The following TTC1 variants were observed in gnomAD, a reference collection of about 807,000 sequenced individuals.
TTC1 encodes tetratricopeptide repeat domain 1.
In TTC1, 31 loss-of-function variants were observed where a neutral mutation model predicts 37.6. The observed-to-expected ratio is 0.82, with a 90% confidence interval of 0.62 to 1.11. The LOEUF (loss-of-function observed/expected upper bound fraction) is 1.11, where lower values mean the gene tolerates loss of function less well. Ranked by LOEUF, TTC1 falls within the 50% of genes most tolerant of loss-of-function variation. The pLI, the probability that TTC1 is intolerant of heterozygous loss-of-function variation, is 0.00. For missense variants in TTC1, 351 were observed against 339.0 expected (o/e 1.04, Z -0.28); for synonymous variants, 127 against 122.4 (o/e 1.04, Z -0.25).
rs1255533717 is a variant in TTC1 at position 160,043,180 on chromosome 5, ATTATC to A, written c.541+16_541+20del. The A allele has an allele frequency of 1.1e-5, 17 of 1,613,446 alleles. No individual in the cohort carries two copies. Among genetic ancestry groups the A allele is most frequent in the South Asian group, 2.2e-5 (2 of 90,828 alleles). ...ATGACTGCAGCAAAGGTACAGCTTT[ATTATC>A]TTATTACATGTTAACATACAGGAGC... On this transcript the variant is annotated intron_variant, in intron 5 of 7. Transcript: ENST00000231238.
At chr5:160,056,174 A>C (rs1263105347) in intron 7 of TTC1, among the ~76,000 whole-genome samples, 1 of 152,164 alleles carries the variant, frequency 6.6e-6, no homozygotes, top group Non-Finnish European at 1.5e-5. Context: ...AAACCATAAC[A>C]CAAAGACAGG....
intron 2 of TTC1, among the ~76,000 whole-genome samples, chr5:160,031,355 T>TA (rs1756905046): frequency 6.6e-6 from 1 of 152,166 alleles, no homozygotes; most frequent in African/African-American, 2.4e-5. Flanking sequence ...CTCACACCTG[T>TA]AATCCCAGAA....
At chr5:160,017,852 G>A (rs1283917296) in intron 2 of TTC1, among the ~76,000 whole-genome samples, 2 of 152,156 alleles carry the variant, frequency 1.3e-5, no homozygotes, top group African/African-American at 4.8e-5. Flanking sequence ...ATTTATTCAA[G>A]TAATATTTAC....
At chr5:160,017,495 C>T (rs1188361736) in intron 2 of TTC1, among the ~76,000 whole-genome samples, 1 of 152,164 alleles carries the variant, frequency 6.6e-6, no homozygotes, top group Non-Finnish European at 1.5e-5. Flanking sequence ...AAGGACGCAC[C>T]TCTTAATACC....
At chr5:160,013,280 C>T (rs558228995) in intron 2 of TTC1, among the ~76,000 whole-genome samples, 6 of 151,826 alleles carry the variant, frequency 4.0e-5, no homozygotes, top group African/African-American at 9.7e-5. Context: ...AAGAAGCCAG[C>T]GAAACAGATT....
Position 160,043,117 on chromosome 5 carries a change from C to G in TTC1, c.505-16C>G. ...AAAACTAGGGCAACACATATTAATA[C>G]TGTTTTTCTTTTTAGGACAAGAAAG... On this transcript the variant is annotated splice_polypyrimidine_tract_variant and intron_variant, in intron 4 of 7. Coordinates refer to ENST00000231238, the MANE Select transcript of TTC1 (RefSeq NM_003314.3). 2 of 1,613,062 alleles carry G rather than the reference C, an allele frequency of 1.2e-6. No homozygotes were observed. The highest frequency in any genetic ancestry group is 1.7e-6 in the Non-Finnish European group (2 of 1,179,474).
Position 160,061,053 on chromosome 5 carries a change from G to A in TTC1, c.746-3879G>A, listed in dbSNP as rs180714882. ...AAAACTCAGTTCTCAAGCTGTCAGT[G>A]GCCTCCTGTGGCACGGGAACCGTAG... is the stretch of plus-strand genomic sequence containing the variant. On this transcript the variant is annotated intron_variant, in intron 7 of 7. Transcript: ENST00000231238. 2.1e-4 allele frequency among the ~76,000 whole-genome samples: 32 copies of A among 152,336 alleles called. No individual in the cohort carries two copies. The South Asian group carries it at 2.7e-3, about 13-fold the overall frequency.
intron 5 of TTC1, among the ~76,000 whole-genome samples, chr5:160,045,518 ACACT>A (rs1462815442): frequency 8.1e-4 from 53 of 65,722 alleles, no homozygotes; most frequent in Admixed American, 1.0e-3. Flanking sequence ...ACACACATAC[ACACT>A]CTCTCTCTCT....
chr5:160,029,659 A>T (rs72810130), intron 2 of TTC1, among the ~76,000 whole-genome samples: 1 of 152,246 alleles, frequency 6.6e-6, no homozygotes, highest in Non-Finnish European at 1.5e-5. Flanking sequence ...ATAAGTAAAA[A>T]TTGATCTAGG....
intron 7 of TTC1, among the ~76,000 whole-genome samples, chr5:160,059,979 C>A (rs1310423032): frequency 6.6e-6 from 1 of 152,184 alleles, no homozygotes; most frequent in Non-Finnish European, 1.5e-5. Flanking sequence ...AAGCACAGCA[C>A]AACAAAATAA....
chr5:160,023,123 G>T (rs1413820411), intron 2 of TTC1, among the ~76,000 whole-genome samples: 1 of 152,084 alleles, frequency 6.6e-6, no homozygotes, highest in African/African-American at 2.4e-5. Flanking sequence ...GGGCCTGGTG[G>T]TGTGCGCCTA....
Position 160,036,882 on chromosome 5 carries a change from T to C in TTC1, c.504+79T>C. On this transcript the variant is annotated intron_variant, in intron 4 of 7. Transcript: ENST00000231238. ...CATACCATAGTTTCTCTCCAGAAAC[T>C]AGCATAGAGGTTGCTGCCTCCCTTT... 1.9e-6 allele frequency: 2 copies of C among 1,029,292 alleles called. 1 individual carries two copies. The allele number at this position is 1,029,292 out of a possible 1,614,324, so 63.8% of individuals were successfully genotyped here.
At chr5:160,010,442 C>G (rs371497722) in intron 1 of TTC1, 58 bp from the exon 2 acceptor site, 3 of 1,212,506 alleles carry the variant, frequency 2.5e-6, no homozygotes, top group East Asian at 2.4e-5. Context: ...AGGTTTGAAA[C>G]AGAACTTTTA....
chr5:160,046,955 T>C (rs1757267031), intron 5 of TTC1, among the ~76,000 whole-genome samples: 1 of 151,988 alleles, frequency 6.6e-6, no homozygotes, highest in South Asian at 2.1e-4. Flanking sequence ...GAGGTTGCAG[T>C]GAGCCGAGAT....
intron 4 of TTC1, among the ~76,000 whole-genome samples, chr5:160,042,643 T>G (rs1757119424): frequency 6.6e-6 from 1 of 152,222 alleles, no homozygotes; most frequent in Admixed American, 6.5e-5. Context: ...GTTTGATCAG[T>G]GGATAAATTA....
chr5:160,055,205 C>T (rs908096770), intron 7 of TTC1, among the ~76,000 whole-genome samples: 2 of 152,054 alleles, frequency 1.3e-5, no homozygotes, highest in African/African-American at 4.8e-5. Flanking sequence ...GTATGCTGGC[C>T]CAGCCAAGAA....
At chr5:160,046,058 C>A (rs1387421420) in intron 5 of TTC1, among the ~76,000 whole-genome samples, 1 of 152,054 alleles carries the variant, frequency 6.6e-6, no homozygotes, top group Admixed American at 6.6e-5. Flanking sequence ...AGGGTTCTTT[C>A]AGAAAACCTT....
At chr5:160,045,532 TCTCTCTC>T (rs1757214586) in intron 5 of TTC1, among the ~76,000 whole-genome samples, 1 of 138,960 alleles carries the variant, frequency 7.2e-6, no homozygotes. Context: ...TCTCTCTCTC[TCTCTCTC>T]TCTCTCTCTC....
chr5:160,045,509 CA>C (rs1757204358), intron 5 of TTC1, among the ~76,000 whole-genome samples: 5 of 76,086 alleles, frequency 6.6e-5, no homozygotes, highest in Admixed American at 1.8e-4. Flanking sequence ...CACACACACA[CA>C]CACATACACA....
Sources: gnomAD v4.1 joint callset for allele counts (sites outside exome capture counted in the v4.1 genomes callset) on GRCh38, gnomAD v4.1.1 for gene constraint, MANE v1.5 for transcripts, NCBI Gene and HGNC (gene_info 2026-07-23, HGNC 2026-07-21) for gene names.